Variants in THRB observed in about 807,000 individuals in gnomAD.
THRB encodes the protein nuclear receptor subfamily 1 group A member 2.
Under a neutral mutation model 47.8 loss-of-function variants are expected in THRB, and 12 were observed. That is an observed-to-expected ratio of 0.25 (90% confidence interval 0.16 to 0.41). The LOEUF is 0.41. Among genes scored for constraint, THRB ranks in the 10% least tolerant of loss-of-function variants. THRB has a pLI of 1.00. For synonymous variants in THRB, 218 were observed against 212.2 expected (o/e 1.03, Z -0.24); for missense variants, 348 against 589.2 (o/e 0.59, Z 4.24).
At chr3:24,450,148 T>C (rs1455740601) in intron 1 of THRB, among the ~76,000 whole-genome samples, 1 of 152,204 alleles carries the variant, frequency 6.6e-6, no homozygotes, top group African/African-American at 2.4e-5. Context: ...ATTAAAAATC[T>C]CGTTTAATTA....
chr3:24,319,422 G>T (rs2058334005), intron 2 of THRB, among the ~76,000 whole-genome samples: 1 of 152,144 alleles, frequency 6.6e-6, no homozygotes, highest in African/African-American at 2.4e-5. Context: ...GTAACAACAG[G>T]TATGAATCTT....
In THRB at chr3:24,119,083, T is replaced by C. The variant is rs1276641622; in HGVS notation, c.*3801A>G. ...AAAAAATACACACCGGGCAAATCCT[T>C]ACCTGGATAATAAATATCTACATCA... is the stretch of plus-strand genomic sequence containing the variant. On this transcript the variant is annotated 3_prime_UTR_variant, in exon 11 of 11. Coordinates refer to ENST00000646209, the MANE Select transcript of THRB (RefSeq NM_001354712.2). 6.6e-6 allele frequency: 1 copy of C among 150,934 alleles called. No individual in the cohort carries two copies. The highest frequency in any genetic ancestry group is 1.5e-5 in the Non-Finnish European group (1 of 67,742). 9.3% of individuals were successfully genotyped at this position (150,934 alleles called of 1,614,324 possible). A position where few individuals can be genotyped will look rare whatever the true frequency, so the allele number is the denominator to read the frequency against.
Position 24,158,439 on chromosome 3 carries a change from GAGGGT to G in THRB, c.284-5954_284-5950del, listed in dbSNP as rs1481178362. Among the ~76,000 whole-genome samples the G allele has an allele frequency of 1.5e-4, 13 of 87,834 alleles. 1 individual carries two copies. Among genetic ancestry groups the G allele is most frequent in the African/African-American group, 5.1e-4 (13 of 25,602 alleles). 57.6% of individuals were successfully genotyped at this position (87,834 alleles called of 152,430 possible). A position where few individuals can be genotyped will look rare whatever the true frequency, so the allele number is the denominator to read the frequency against. On this transcript the variant is annotated intron_variant, in intron 5 of 10. Coordinates refer to ENST00000646209, the MANE Select transcript of THRB (RefSeq NM_001354712.2). ...TGATAACTTTTTTTTTTTTTGGGGG[GAGGGT>G]GGGGGACGAGTTTCACTCTTGTTGA...
chr3:24,455,828 T>C (rs577883251), intron 1 of THRB, among the ~76,000 whole-genome samples: 25 of 152,302 alleles, frequency 1.6e-4, no homozygotes, highest in African/African-American at 5.8e-4. Context: ...TGACAAGAAA[T>C]GCATGTGTCC....
chr3:24,190,020 A>C, intron 5 of THRB, 54 bp downstream of exon 5: 1 of 1,545,148 alleles, frequency 6.5e-7, no homozygotes, highest in Non-Finnish European at 8.9e-7. Context: ...TACAACAGGG[A>C]TATTTTTTTT....
chr3:24,174,509 C>A (rs182119472), intron 5 of THRB, among the ~76,000 whole-genome samples: 4 of 152,284 alleles, frequency 2.6e-5, no homozygotes, highest in East Asian at 3.9e-4. Context: ...AAAGGAGAAT[C>A]TAAAGCATGT....
intron 1 of THRB, among the ~76,000 whole-genome samples, chr3:24,471,004 A>G (rs112417254): frequency 3.9e-5 from 6 of 152,248 alleles, no homozygotes; most frequent in African/African-American, 1.4e-4. Context: ...TCTTCTCCAT[A>G]TATTCCTCTT....
intron 2 of THRB, among the ~76,000 whole-genome samples, chr3:24,302,494 T>G (rs1243440696): frequency 6.6e-6 from 1 of 152,348 alleles, no homozygotes; most frequent in South Asian, 2.1e-4. Context: ...GTATACCACA[T>G]ACAACCGTGT....
intron 3 of THRB, among the ~76,000 whole-genome samples, chr3:24,251,365 A>G (rs1338920247): frequency 6.6e-6 from 1 of 152,160 alleles, no homozygotes; most frequent in Non-Finnish European, 1.5e-5. Context: ...AAACATTTTA[A>G]CAGGTCTCAT....
At chr3:24,131,495 G>C (rs945020819) in intron 9 of THRB, among the ~76,000 whole-genome samples, 18 of 152,200 alleles carry the variant, frequency 1.2e-4, no homozygotes, top group African/African-American at 4.3e-4. Flanking sequence ...CTACTGCAAG[G>C]CTGTGGGTAC....
intron 9 of THRB, among the ~76,000 whole-genome samples, chr3:24,129,001 C>T (rs185996235): frequency 2.3e-3 from 347 of 150,318 alleles, no homozygotes; most frequent in African/African-American, 8.0e-3. Context: ...CTTGGCAATA[C>T]TCAACCAGTC....
At chr3:24,417,095 AACACACAC>A (rs67541584) in intron 1 of THRB, among the ~76,000 whole-genome samples, 2,280 of 135,632 alleles carry the variant, frequency 0.017, 28 homozygotes, top group African/African-American at 0.029. Context: ...ATTTTAAACC[AACACACAC>A]ACACACACAC....
At chr3:24,455,569 CTT>C in intron 1 of THRB, 1 of 152,292 alleles carries the variant, frequency 6.6e-6, no homozygotes, top group African/African-American at 2.4e-5. Flanking sequence ...CAACATAATA[CTT>C]TTAAAAATAA....
chr3:24,209,195 G>C (rs1399931123), intron 4 of THRB, among the ~76,000 whole-genome samples: 3 of 152,240 alleles, frequency 2.0e-5, no homozygotes, highest in Non-Finnish European at 4.4e-5. Context: ...ACAGATGCTA[G>C]AGAGGATGTG....
intron 5 of THRB, among the ~76,000 whole-genome samples, chr3:24,184,725 T>C (rs1217858362): frequency 6.6e-6 from 1 of 152,098 alleles, no homozygotes; most frequent in African/African-American, 2.4e-5. Flanking sequence ...GCCCTTGAGG[T>C]ATAAGAATCA....
At chr3:24,493,767 C>T (rs1003726848) in intron 1 of THRB, among the ~76,000 whole-genome samples, 1 of 152,186 alleles carries the variant, frequency 6.6e-6, no homozygotes, top group Non-Finnish European at 1.5e-5. Flanking sequence ...AAATTCATCT[C>T]ATTTTCTCCC....
At chr3:24,163,048 A>T (rs2149261412) in intron 5 of THRB, among the ~76,000 whole-genome samples, 1 of 152,298 alleles carries the variant, frequency 6.6e-6, no homozygotes, top group Middle Eastern at 3.4e-3. Context: ...TACCCCACTG[A>T]ACACCTGTTT....
At chr3:24,446,807 C>G (rs776179819) in intron 1 of THRB, among the ~76,000 whole-genome samples, 79 of 152,186 alleles carry the variant, frequency 5.2e-4, no homozygotes, top group Non-Finnish European at 9.4e-4. Context: ...ATAGCTTTAT[C>G]CTGAAACTTG....
rs936085197 is a variant in THRB at position 24,289,551 on chromosome 3, G to C, written c.-43+7675C>G. ...ATCAGTCTTTTCTTTTTTTGGAGTTGAGGAGGGAGGGACCAAGAACTAAAA... is the reference window on the plus strand; with the variant it reads ...ATCAGTCTTTTCTTTTTTTGGAGTTCAGGAGGGAGGGACCAAGAACTAAAA... On this transcript the variant is annotated intron_variant, in intron 3 of 10. Transcript: ENST00000646209. Among the ~76,000 whole-genome samples, 4 of 152,100 alleles carry C rather than the reference G, an allele frequency of 2.6e-5. No homozygotes were observed. The South Asian group carries it at 8.3e-4, about 31-fold the overall frequency.
Sources: allele counts gnomAD v4.1 joint callset (sites outside exome capture counted in the v4.1 genomes callset), GRCh38; gene constraint gnomAD v4.1.1; transcripts MANE v1.5; gene names NCBI Gene and HGNC (gene_info 2026-07-23, HGNC 2026-07-21).